Variants in ARHGEF11 observed in about 807,000 individuals in gnomAD.
ARHGEF11 encodes the protein Rho guanine nucleotide exchange factor 11.
ARHGEF11 carries 55 observed loss-of-function variants against 193.7 expected under a neutral mutation model. The ratio of observed to expected loss-of-function variants is 0.28; its 90% confidence interval spans 0.23 to 0.36. The LOEUF is 0.36. Among genes scored for constraint, ARHGEF11 ranks in the 10% least tolerant of loss-of-function variants. The pLI, the probability that ARHGEF11 is intolerant of heterozygous loss-of-function variation, is 1.00. For missense variants in ARHGEF11, 1,723 were observed against 2,005.6 expected, an observed-to-expected ratio of 0.86 and a Z score of 2.69; for synonymous variants, 693 against 768.0, an observed-to-expected ratio of 0.90 and a Z score of 1.62.
intron 7 of ARHGEF11, among the ~76,000 whole-genome samples, chr1:156,973,220 G>A (rs994394486): frequency 4.6e-5 from 7 of 152,138 alleles, no homozygotes; most frequent in African/African-American, 1.7e-4. Context: ...GAGCCACCAT[G>A]CCCAGCCCAC....
Position 156,968,063 on chromosome 1 carries a change from G to A in ARHGEF11, c.887C>T (p.Pro296Leu). The change falls in exon 11 of 41, where the codon CCT becomes CTT. Residue 296 changes from proline (P) to leucine (L), a missense_variant. Pro to Leu is a moderately conservative substitution (Grantham distance 98, BLOSUM62 -3). Transcript: ENST00000368194. The stretch of plus-strand genomic sequence containing the variant: ...CTGGGCCACCCTGGCCATGATCACA[G>A]GGGAGGTTCGAGGACTGTCTAGCCC... ...DPGLDSPRTS[P>L]VIMARVAQHH... 6.2e-7 allele frequency: 1 copy of A among 1,614,226 alleles called. No individual in the cohort carries two copies. The highest frequency in any genetic ancestry group is 8.5e-7 in the Non-Finnish European group (1 of 1,180,012).
At chr1:156,959,231 C>A in intron 15 of ARHGEF11, 89 bp from the exon 16 acceptor site, 1 of 1,076,116 alleles carries the variant, frequency 9.3e-7, no homozygotes, top group South Asian at 1.4e-5. Flanking sequence ...GGCATTTCAG[C>A]TCCCTATGAC....
In ARHGEF11 at chr1:156,937,413, G is replaced by GTA; in HGVS notation, c.4275_4276insTA (p.Pro1426TyrfsTer40). On this transcript the variant is annotated frameshift_variant, in exon 39 of 41. Transcript: ENST00000368194. LOFTEE classifies it high-confidence loss of function. ...GTCTGCCCTGCAGGGAGGCTGTCAG[G>GTA]CTGAGGGGGGCTCATGGGTGCCTCT... is the stretch of plus-strand genomic sequence containing the variant. 3 of 1,587,222 alleles carry GTA rather than the reference G, an allele frequency of 1.9e-6. No individual in the cohort carries two copies. The highest frequency in any genetic ancestry group is 2.6e-6 in the Non-Finnish European group (3 of 1,167,966).
chr1:156,951,978 C>T (rs1659181883), intron 21 of ARHGEF11, among the ~76,000 whole-genome samples: 1 of 151,986 alleles, frequency 6.6e-6, no homozygotes, highest in Admixed American at 6.6e-5. Context: ...TTGGCTCTCA[C>T]ATTATTATAA....
chr1:156,947,498 G>C, intron 25 of ARHGEF11, 48 bp from the exon 26 acceptor site: 1 of 1,523,368 alleles, frequency 6.6e-7, no homozygotes, highest in Non-Finnish European at 8.8e-7. Flanking sequence ...GGAGAAAACG[G>C]ATCAGCAAGT....
At chr1:157,031,530 G>A (rs903811329) in intron 1 of ARHGEF11, among the ~76,000 whole-genome samples, 12 of 152,098 alleles carry the variant, frequency 7.9e-5, no homozygotes, top group Non-Finnish European at 1.2e-4. Context: ...CACTATCCTC[G>A]GACCCACATC....
At chr1:156,958,450 G>C (rs1218899105) in intron 17 of ARHGEF11, among the ~76,000 whole-genome samples, 1 of 152,162 alleles carries the variant, frequency 6.6e-6, no homozygotes, top group African/African-American at 2.4e-5. Flanking sequence ...GGAAGGGAGA[G>C]AGGTCAGGAG....
At chr1:156,965,012 CAG>C (rs1661501484) in intron 11 of ARHGEF11, among the ~76,000 whole-genome samples, 1 of 152,104 alleles carries the variant, frequency 6.6e-6, no homozygotes. Context: ...AATGACATAA[CAG>C]AAAGTGAGAG....
At chr1:157,022,587 T>C (rs1304178803) in intron 1 of ARHGEF11, among the ~76,000 whole-genome samples, 2 of 152,218 alleles carry the variant, frequency 1.3e-5, no homozygotes, top group Non-Finnish European at 2.9e-5. Context: ...GTTAAGATGA[T>C]ACTACTCCAC....
chr1:157,037,115 C>T (rs530041994), intron 1 of ARHGEF11, among the ~76,000 whole-genome samples: 1 of 152,080 alleles, frequency 6.6e-6, no homozygotes, highest in Admixed American at 6.6e-5. Flanking sequence ...GTAACAAGAG[C>T]AAAACTCTGT....
chr1:157,036,573 C>G (rs1016570452), intron 1 of ARHGEF11, among the ~76,000 whole-genome samples: 1 of 152,040 alleles, frequency 6.6e-6, no homozygotes, highest in African/African-American at 2.4e-5. Flanking sequence ...CCACCCACCT[C>G]GGCCTCCCAA....
At chr1:156,989,180 T>C (rs112949936) in intron 1 of ARHGEF11, among the ~76,000 whole-genome samples, 17 of 152,188 alleles carry the variant, frequency 1.1e-4, no homozygotes, top group African/African-American at 4.1e-4. Context: ...AAATTTGTAC[T>C]CTAAATGGCA....
chr1:156,952,113 A>G (rs929637836), intron 21 of ARHGEF11, among the ~76,000 whole-genome samples: 9 of 152,222 alleles, frequency 5.9e-5, no homozygotes, highest in African/African-American at 2.2e-4. Context: ...TATATCAGAC[A>G]TTTCTCAAAT....
intron 28 of ARHGEF11, 84 bp downstream of exon 28, chr1:156,946,578 T>C: frequency 6.3e-7 from 1 of 1,588,422 alleles, no homozygotes. Context: ...ACAGGGATGA[T>C]GTGGCCAGAA....
intron 21 of ARHGEF11, among the ~76,000 whole-genome samples, chr1:156,951,902 T>C (rs578260723): frequency 4.6e-5 from 7 of 152,218 alleles, no homozygotes; most frequent in African/African-American, 1.4e-4. Flanking sequence ...ACTACCTTTC[T>C]GGGTTGATTC....
At chr1:156,964,076 G>A (rs900989180) in intron 11 of ARHGEF11, among the ~76,000 whole-genome samples, 1 of 152,124 alleles carries the variant, frequency 6.6e-6, no homozygotes, top group Non-Finnish European at 1.5e-5. Flanking sequence ...AATAATGATC[G>A]GAGAGCCTAC....
chr1:157,002,830 G>A (rs1378267641), intron 1 of ARHGEF11, among the ~76,000 whole-genome samples: 1 of 152,168 alleles, frequency 6.6e-6, no homozygotes, highest in Non-Finnish European at 1.5e-5. Context: ...GTAGGCTCCT[G>A]AGTTCCCCTC....
intron 6 of ARHGEF11, among the ~76,000 whole-genome samples, chr1:156,977,683 G>A (rs1174765235): frequency 1.3e-5 from 2 of 152,196 alleles, no homozygotes; most frequent in Non-Finnish European, 2.9e-5. Context: ...CAAAGTGTTG[G>A]AATTACAGGT....
rs866876126 is a variant in ARHGEF11 at position 157,034,702 on chromosome 1, G to C, written c.32+9597C>G. 4.6e-5 allele frequency among the ~76,000 whole-genome samples: 7 copies of C among 152,242 alleles called. No homozygotes were observed. In the Middle Eastern group the frequency reaches 0.014, roughly 296 times the overall value. On this transcript the variant is annotated intron_variant, in intron 1 of 40. Transcript: ENST00000368194. Reference sequence around the variant, plus strand: ...CAAAGAAGACAACCCAGAACAATGAGGAGACACTGCTCTTGAACCCTTAGG... The same window carrying C: ...CAAAGAAGACAACCCAGAACAATGACGAGACACTGCTCTTGAACCCTTAGG...
Sources: allele counts gnomAD v4.1 joint callset (sites outside exome capture counted in the v4.1 genomes callset), GRCh38; gene constraint gnomAD v4.1.1; transcripts MANE v1.5; gene names NCBI Gene and HGNC (gene_info 2026-07-23, HGNC 2026-07-21).